Variants in SLC25A21 observed in about 807,000 individuals in gnomAD.
The protein encoded by SLC25A21 is solute carrier family 25 member 21, also known as mitochondrial 2-oxodicarboxylate carrier.
Under a neutral mutation model 43.8 loss-of-function variants are expected in SLC25A21, and 47 were observed. That is an observed-to-expected ratio of 1.07 (90% CI 0.85 to 1.37). The LOEUF is 1.37. SLC25A21 is among the 40% of genes most tolerant of loss of function. The probability of loss-of-function intolerance (pLI) is 0.00; values close to 1 mark genes in which losing one functional copy is unlikely to be tolerated. For synonymous variants in SLC25A21, 131 were observed against 121.3 expected, an observed-to-expected ratio of 1.08 and a Z score of -0.52; for missense variants, 352 against 350.2, an observed-to-expected ratio of 1.00 and a Z score of -0.04.
At chr14:37,093,001 A>G (rs1962618877) in intron 1 of SLC25A21, among the ~76,000 whole-genome samples, 1 of 152,008 alleles carries the variant, frequency 6.6e-6, no homozygotes, top group Admixed American at 6.6e-5. Flanking sequence ...TAAATGCTCT[A>G]CTTCCTGCTA....
chr14:37,151,734 T>C lies in SLC25A21; in HGVS notation c.70+20547A>G, dbSNP rs192652099. Among the ~76,000 whole-genome samples, 9 of 152,268 alleles carry C rather than the reference T, an allele frequency of 5.9e-5. No individual in the cohort carries two copies. In the East Asian group the frequency reaches 1.7e-3, roughly 29 times the overall value. ...AACAAGATATTTAATTTCTCTGAGC[T>C]TCACTTTCCTCATCTTCAAGAAATT... On this transcript the variant is annotated intron_variant, in intron 1 of 9. Coordinates refer to ENST00000331299, the MANE Select transcript of SLC25A21 (RefSeq NM_030631.4).
Position 36,734,565 on chromosome 14 carries a change from C to T in SLC25A21, c.212G>A (p.Gly71Asp), listed in dbSNP as rs200682070. The T allele has an allele frequency of 4.8e-4, 773 of 1,604,336 alleles. 6 individuals carry two copies. Among genetic ancestry groups the T allele is most frequent in the Non-Finnish European group, 1.5e-5 (18 of 1,174,654 alleles). The change falls in exon 4 of 10, where the codon GGT becomes GAT. Residue 71 changes from glycine (G) to aspartate (D), a missense_variant. Physicochemically the swap from Gly to Asp is moderately conservative, Grantham distance 94. Transcript: ENST00000331299. ...AGGTGGCAGAATTCCCTTGTAAAAA[C>T]CAAATAACCTGTTGGAGAAATAAAA... Reference protein sequence around the residue: ...RMIFQMEGLFGFYKGILPPIL... With the variant: ...RMIFQMEGLFDFYKGILPPIL...
chr14:36,852,658 T>A (rs74400614), intron 2 of SLC25A21, among the ~76,000 whole-genome samples: 2,361 of 152,210 alleles, frequency 0.016, 47 homozygotes, highest in African/African-American at 0.053. Flanking sequence ...CGTGTGTGTA[T>A]GTGTGAGTGT....
chr14:36,907,351 T>TG (rs1369891913), intron 1 of SLC25A21, among the ~76,000 whole-genome samples: 1 of 148,844 alleles, frequency 6.7e-6, no homozygotes, highest in Non-Finnish European at 1.5e-5. Context: ...TTTGTTTTGT[T>TG]GGTTGGTTGG....
intron 1 of SLC25A21, among the ~76,000 whole-genome samples, chr14:37,066,243 CT>C (rs1172887737): frequency 1.3e-5 from 2 of 152,272 alleles, no homozygotes; most frequent in African/African-American, 4.8e-5. Context: ...CACAAACCCC[CT>C]ATTAGGAATA....
intron 1 of SLC25A21, among the ~76,000 whole-genome samples, chr14:37,036,436 T>C (rs1335048878): frequency 6.6e-6 from 1 of 152,046 alleles, no homozygotes; most frequent in Non-Finnish European, 1.5e-5. Flanking sequence ...CGCAACATGT[T>C]ACATTTTCTG....
chr14:36,760,330 CAGAA>C (rs1293711121), intron 3 of SLC25A21, among the ~76,000 whole-genome samples: 3 of 105,074 alleles, frequency 2.9e-5, no homozygotes, highest in African/African-American at 8.0e-5. Flanking sequence ...GGCAGCTAGG[CAGAA>C]GGAAGGAAGG....
chr14:36,821,258 T>C (rs905452331), intron 2 of SLC25A21, among the ~76,000 whole-genome samples: 1 of 152,030 alleles, frequency 6.6e-6, no homozygotes. Flanking sequence ...AGCACCTTCT[T>C]ACAGGAGATA....
intron 1 of SLC25A21, among the ~76,000 whole-genome samples, chr14:36,978,597 A>T (rs1959936747): frequency 6.6e-6 from 1 of 152,192 alleles, no homozygotes; most frequent in Non-Finnish European, 1.5e-5. Flanking sequence ...TTTTATGATG[A>T]TACTCCTGCC....
intron 9 of SLC25A21, 68 bp downstream of exon 9, chr14:36,683,760 C>G (rs1016650176): frequency 3.5e-6 from 4 of 1,157,158 alleles, no homozygotes; most frequent in Non-Finnish European, 5.0e-6. Flanking sequence ...CTGATGGACA[C>G]AAATATCAAA....
chr14:36,796,189 T>C (rs1403115804), intron 3 of SLC25A21, among the ~76,000 whole-genome samples: 3 of 152,086 alleles, frequency 2.0e-5, no homozygotes, highest in Admixed American at 6.6e-5. Context: ...TAATTGACAA[T>C]TTACTGGCAA....
At chr14:36,877,062 A>G (rs920604497) in intron 1 of SLC25A21, among the ~76,000 whole-genome samples, 5 of 152,134 alleles carry the variant, frequency 3.3e-5, no homozygotes, top group African/African-American at 1.2e-4. Context: ...GACTTTAAAA[A>G]TAGCATCCTT....
Position 36,678,275 on chromosome 14 carries a change from A to T in SLC25A21, c.*2383T>A. The T allele has an allele frequency of 1.8e-6, 1 of 569,140 alleles. No homozygotes were observed. Among genetic ancestry groups the T allele is most frequent in the South Asian group, 2.4e-5 (1 of 41,382 alleles). The allele number at this position is 569,140 out of a possible 1,614,324, so 35.3% of individuals were successfully genotyped here. On this transcript the variant is annotated 3_prime_UTR_variant, in exon 10 of 10. Coordinates refer to ENST00000331299, the MANE Select transcript of SLC25A21 (RefSeq NM_030631.4). Reference sequence around the variant, plus strand: ...ACAGTAAGCAGATTTCTGACACACAAATTATGTTAGAGTGACTGCTTTTTT... The same window carrying T: ...ACAGTAAGCAGATTTCTGACACACATATTATGTTAGAGTGACTGCTTTTTT...
intron 1 of SLC25A21, among the ~76,000 whole-genome samples, chr14:37,105,203 G>T (rs1465311884): frequency 6.6e-6 from 1 of 152,184 alleles, no homozygotes; most frequent in South Asian, 2.1e-4. Flanking sequence ...GTCAAGGCAG[G>T]TAAGTAATAA....
chr14:36,709,570 CA>C (rs1883740544), intron 7 of SLC25A21, among the ~76,000 whole-genome samples: 2 of 151,776 alleles, frequency 1.3e-5, no homozygotes, highest in Admixed American at 1.3e-4. Context: ...GATTTCAGAC[CA>C]AAAAAACATA....
chr14:36,682,136 T>C (rs1437362750), intron 9 of SLC25A21, among the ~76,000 whole-genome samples: 1 of 151,968 alleles, frequency 6.6e-6, no homozygotes, highest in Non-Finnish European at 1.5e-5. Flanking sequence ...CAGGCTCACC[T>C]TTCTTTTCTT....
At chr14:37,028,431 C>T (rs1277642501) in intron 1 of SLC25A21, among the ~76,000 whole-genome samples, 1 of 152,104 alleles carries the variant, frequency 6.6e-6, no homozygotes, top group Non-Finnish European at 1.5e-5. Context: ...TTTATTTCTG[C>T]TTCAGCTTGC....
intron 1 of SLC25A21, among the ~76,000 whole-genome samples, chr14:37,099,299 T>C (rs765058870): frequency 6.6e-6 from 1 of 152,124 alleles, no homozygotes; most frequent in Non-Finnish European, 1.5e-5. Flanking sequence ...CATCAGAGAG[T>C]TTCTAACCAA....
intron 1 of SLC25A21, among the ~76,000 whole-genome samples, chr14:37,025,159 T>A (rs149494113): frequency 2.6e-4 from 39 of 152,264 alleles, no homozygotes; most frequent in African/African-American, 7.2e-4. Context: ...TAGGAAAGAA[T>A]GTGGAAATTA....
Sources: gnomAD v4.1 joint callset for allele counts (sites outside exome capture counted in the v4.1 genomes callset) on GRCh38, gnomAD v4.1.1 for gene constraint, MANE v1.5 for transcripts, NCBI Gene and HGNC (gene_info 2026-07-23, HGNC 2026-07-21) for gene names.